RANBP2: variants seen among roughly 807,000 people sequenced by gnomAD.
RANBP2 encodes the protein RAN binding protein 2, also known as E3 SUMO-protein ligase RanBP2.
Under a neutral mutation model 303.6 loss-of-function variants are expected in RANBP2, and 57 were observed. The ratio of observed to expected loss-of-function variants is 0.19; its 90% CI spans 0.15 to 0.23. The LOEUF is 0.23. RANBP2 is among the 10% of genes least tolerant of loss of function. The pLI, the probability that RANBP2 is intolerant of heterozygous loss-of-function variation, is 1.00. For missense variants in RANBP2, 3,138 were observed against 3,780.8 expected, an observed-to-expected ratio of 0.83 and a Z score of 4.46; for synonymous variants, 1,167 against 1,301.5, an observed-to-expected ratio of 0.90 and a Z score of 2.23.
chr2:108,971,299 C>T, the RANBP2 span, among the ~76,000 whole-genome samples: 1 of 152,000 alleles, frequency 6.6e-6, no homozygotes, highest in Non-Finnish European at 1.5e-5. Flanking sequence ...AAGAGTGGTC[C>T]CTGGGATGCA....
At chr2:109,418,132 G>A in the RANBP2 span, among the ~76,000 whole-genome samples, 20 of 152,216 alleles carry the variant, frequency 1.3e-4, no homozygotes, top group East Asian at 3.1e-3. Context: ...GCCTTTGGCC[G>A]AGGTACCTGC....
At chr2:109,520,959 G>T in the RANBP2 span, among the ~76,000 whole-genome samples, 1 of 151,680 alleles carries the variant, frequency 6.6e-6, no homozygotes, top group Non-Finnish European at 1.5e-5. Context: ...GCCGGGCGCG[G>T]TGGCTCACGC....
the RANBP2 span, among the ~76,000 whole-genome samples, chr2:109,011,703 A>C: frequency 2.0e-5 from 3 of 152,128 alleles, no homozygotes; most frequent in African/African-American, 7.2e-5. Flanking sequence ...TTTGTTTGTT[A>C]GTCTTTTTCC....
chr2:108,986,853 A>C, the RANBP2 span, among the ~76,000 whole-genome samples: 1 of 152,242 alleles, frequency 6.6e-6, no homozygotes, highest in African/African-American at 2.4e-5. Context: ...TGGAGGCGGC[A>C]TACTCACAGG....
In RANBP2 at chr2:108,767,550, A is replaced by G. The variant is rs1677202746; in HGVS notation, c.7011A>G (p.Ala2337=). 6.2e-7 allele frequency: 1 copy of G among 1,612,020 alleles called. No individual in the cohort carries two copies. Among genetic ancestry groups the G allele is most frequent in the Non-Finnish European group, 8.5e-7 (1 of 1,179,860 alleles). Residue 2337 remains alanine, a synonymous_variant, in exon 20 of 29, where the codon GCA becomes GCG. Coordinates refer to ENST00000283195, the MANE Select transcript of RANBP2 (RefSeq NM_006267.5). ...AACAAGTTGTTTTTAGTCACAGGGC[A>G]AAACTCTACAGATATGATAAAGATG... ...ENEQVVFSHR[A]KLYRYDKDVG...
intron 18 of RANBP2, among the ~76,000 whole-genome samples, chr2:108,760,372 A>G (rs1033733291): frequency 3.9e-5 from 6 of 152,278 alleles, no homozygotes; most frequent in Middle Eastern, 3.4e-3. Flanking sequence ...GAGCATTTTT[A>G]AACTTAAATG....
chr2:108,875,989 G>A, the RANBP2 span: 3,991 of 671,648 alleles, frequency 5.9e-3, 137 homozygotes, highest in African/African-American at 0.067. Context: ...AAAAACAGAT[G>A]CCATTTCCTC....
chr2:109,286,989 A>G, the RANBP2 span, among the ~76,000 whole-genome samples: 1 of 152,192 alleles, frequency 6.6e-6, no homozygotes, highest in South Asian at 2.1e-4. Context: ...CAGCACTGAA[A>G]TGGGACGTGC....
At chr2:109,690,174 C>T in the RANBP2 span, among the ~76,000 whole-genome samples, 3 of 152,148 alleles carry the variant, frequency 2.0e-5, no homozygotes, top group Admixed American at 6.5e-5. Context: ...CACAGCCTCA[C>T]GAGGTCCTGC....
At chr2:109,057,936 C>G in the RANBP2 span, among the ~76,000 whole-genome samples, 3 of 152,196 alleles carry the variant, frequency 2.0e-5, no homozygotes, top group African/African-American at 7.2e-5. Context: ...GCTCAGTAGT[C>G]GCTCATTATG....
At chr2:109,446,291 C>A in the RANBP2 span, among the ~76,000 whole-genome samples, 1 of 152,158 alleles carries the variant, frequency 6.6e-6, no homozygotes, top group Non-Finnish European at 1.5e-5. Context: ...CTCAGAGACT[C>A]ACTCTTTTAT....
At chr2:108,794,641 G>A in the RANBP2 span, 7 of 1,613,966 alleles carry the variant, frequency 4.3e-6, no homozygotes, top group African/African-American at 6.7e-5. Flanking sequence ...AAAATCTAAA[G>A]CATCAGACAA....
the RANBP2 span, among the ~76,000 whole-genome samples, chr2:109,242,295 A>G: frequency 2.0e-5 from 3 of 152,042 alleles, no homozygotes; most frequent in Non-Finnish European, 4.4e-5. Flanking sequence ...AATGTCACCA[A>G]TTGGGTGGAA....
chr2:109,591,424 G>A, the RANBP2 span, among the ~76,000 whole-genome samples: 2 of 152,114 alleles, frequency 1.3e-5, no homozygotes, highest in African/African-American at 4.8e-5. Context: ...GCCACTGGAT[G>A]GACTAGTCAC....
At chr2:109,162,141 T>C in the RANBP2 span, among the ~76,000 whole-genome samples, 2 of 152,184 alleles carry the variant, frequency 1.3e-5, no homozygotes, top group South Asian at 4.1e-4. Flanking sequence ...CCTTTACAAA[T>C]GCTTTGGCTC....
At chr2:109,725,528 C>T in the RANBP2 span, among the ~76,000 whole-genome samples, 1 of 152,150 alleles carries the variant, frequency 6.6e-6, no homozygotes, top group Non-Finnish European at 1.5e-5. Flanking sequence ...TGCTCTCATG[C>T]CATCCTGGGG....
At chr2:109,502,565 G>A in the RANBP2 span, 1 of 152,184 alleles carries the variant, frequency 6.6e-6, no homozygotes, top group East Asian at 1.9e-4. Context: ...TACTCTGGGG[G>A]CTGGCGGGGT....
At chr2:109,018,841 G>A in the RANBP2 span, among the ~76,000 whole-genome samples, 1 of 152,232 alleles carries the variant, frequency 6.6e-6, no homozygotes, top group East Asian at 1.9e-4. Flanking sequence ...CACATTTGCT[G>A]GTTGGATTAC....
the RANBP2 span, among the ~76,000 whole-genome samples, chr2:109,659,725 G>A: frequency 6.6e-6 from 1 of 152,242 alleles, no homozygotes; most frequent in African/African-American, 2.4e-5. Context: ...TATGGACTCT[G>A]AGGGGGCCGC....
Sources: allele counts gnomAD v4.1 joint callset (sites outside exome capture counted in the v4.1 genomes callset), GRCh38; gene constraint gnomAD v4.1.1; transcripts MANE v1.5; gene names NCBI Gene and HGNC (gene_info 2026-07-23, HGNC 2026-07-21).